Variants in DYNC1H1 observed in about 807,000 individuals in gnomAD.
DYNC1H1 encodes the protein cytoplasmic dynein 1 heavy chain 1.
A neutral mutation model predicts 527.1 loss-of-function variants in DYNC1H1; 51 were observed. That is an observed-to-expected ratio of 0.10 (90% CI 0.08 to 0.12). The LOEUF is 0.12. DYNC1H1 is among the 10% of genes least tolerant of loss of function. The probability of loss-of-function intolerance (pLI) is 1.00; values close to 1 mark genes in which losing one functional copy is unlikely to be tolerated. For missense variants in DYNC1H1, 2,771 were observed against 5,971.8 expected, an observed-to-expected ratio of 0.46 and a Z score of 17.66; for synonymous variants, 2,189 against 2,278.8, an observed-to-expected ratio of 0.96 and a Z score of 1.12.
chr14:101,987,420 G>C (rs1480697220), intron 8 of DYNC1H1, 33 bp from the exon 9 acceptor site: 3 of 1,593,338 alleles, frequency 1.9e-6, no homozygotes, highest in Admixed American at 3.4e-5. Context: ...AGTGTGAGTG[G>C]GTGTTTTAAA....
At chr14:101,972,427 G>A (rs1054374285) in intron 1 of DYNC1H1, among the ~76,000 whole-genome samples, 6 of 152,208 alleles carry the variant, frequency 3.9e-5, no homozygotes, top group Non-Finnish European at 7.3e-5. Flanking sequence ...ATTATCAAGA[G>A]AAGTTAGAAT....
chr14:102,021,806 A>G (rs2048388151), intron 42 of DYNC1H1, among the ~76,000 whole-genome samples: 1 of 151,576 alleles, frequency 6.6e-6, no homozygotes, highest in Non-Finnish European at 1.5e-5. Context: ...GATTACAGAC[A>G]TGTGCCACCA....
intron 1 of DYNC1H1, among the ~76,000 whole-genome samples, chr14:101,970,958 G>A (rs1478630737): frequency 6.6e-6 from 1 of 152,124 alleles, no homozygotes; most frequent in Non-Finnish European, 1.5e-5. Context: ...GAGGGAATGA[G>A]CAAGGGTGCA....
chr14:102,039,650 C>G lies in DYNC1H1; in HGVS notation c.11608C>G (p.Arg3870Gly). The change falls in exon 62 of 78, where the codon CGA becomes GGA. Residue 3870 changes from arginine to glycine, a missense_variant. Transcript: ENST00000360184. This position sits in a 1 kb window ranked among gnomAD's most constrained non-coding sequence, Gnocchi z 7.0. The stretch of plus-strand genomic sequence containing the variant: ...GCTCTTGTCCCAGGTGGCGTTTAAC[C>G]GAGTGGCTCGAGGCATGCTGCATCA... ...TKDLFQVAFN[R>G]VARGMLHQDH... The G allele has an allele frequency of 6.2e-7, 1 of 1,613,984 alleles. No individual in the cohort carries two copies. Among genetic ancestry groups the G allele is most frequent in the African/African-American group, 1.3e-5 (1 of 74,874 alleles).
rs551764979 is a variant in DYNC1H1 at position 102,047,631 on chromosome 14, G to A, written c.13007-186G>A. 1,552 of 402,182 alleles carry A rather than the reference G, an allele frequency of 3.9e-3. 88 individuals are homozygous for A. Among genetic ancestry groups the A allele is most frequent in the Non-Finnish European group, 5.1e-3 (1,230 of 239,604 alleles). 24.9% of individuals were successfully genotyped at this position (402,182 alleles called of 1,614,324 possible). On this transcript the variant is annotated intron_variant, in intron 72 of 77. Coordinates refer to ENST00000360184, the MANE Select transcript of DYNC1H1 (RefSeq NM_001376.5). ...TATGTATATATACACGTGTGTGTGT[G>A]TGTGTGTGTGTATATATATATATAT...
chr14:102,044,607 T>C lies in DYNC1H1; in HGVS notation c.12915T>C (p.Phe4305=). 1.2e-6 allele frequency: 2 copies of C among 1,614,166 alleles called. No individual in the cohort carries two copies. The highest frequency in any genetic ancestry group is 1.7e-6 in the Non-Finnish European group (2 of 1,180,036). The part of the protein sequence containing the change: ...QMPDGIRREE[F]VQWVELLPDT... ...ACTGGTTTTCTAGGCGAGAGGAGTT[T>C]GTGCAGTGGGTGGAGTTGCTCCCCG... Residue 4305 remains phenylalanine (F), a synonymous_variant, in exon 72 of 78, where the codon TTT becomes TTC. Transcript: ENST00000360184. The surrounding 1 kb of genome is among the most constrained non-coding windows in gnomAD (Gnocchi z 7.1).
chr14:102,014,695 C>G (rs2048299832), intron 34 of DYNC1H1, among the ~76,000 whole-genome samples: 1 of 152,174 alleles, frequency 6.6e-6, no homozygotes, highest in Admixed American at 6.5e-5. Context: ...AAACCTTAAA[C>G]AAGGTGGTTT....
At chr14:102,040,029 C>T (rs542912998) in intron 62 of DYNC1H1, among the ~76,000 whole-genome samples, 14 of 152,144 alleles carry the variant, frequency 9.2e-5, no homozygotes, top group East Asian at 3.9e-4. Context: ...TTAGTAGAGA[C>T]GGGTTTTCTT....
At chr14:102,004,378 C>A in intron 23 of DYNC1H1, 140 bp from the exon 24 acceptor site, 1 of 934,808 alleles carries the variant, frequency 1.1e-6, no homozygotes, top group Non-Finnish European at 1.6e-6. Flanking sequence ...AGAAGAAATT[C>A]TGATGTGATC....
chr14:102,036,368 C>T lies in DYNC1H1; in HGVS notation c.10755-121C>T, dbSNP rs1595627930. On this transcript the variant is annotated intron_variant, in intron 56 of 77. Transcript: ENST00000360184. The surrounding 1 kb of genome is among the most constrained non-coding windows in gnomAD (Gnocchi z 5.6). ...TAAACCTGAAAACGTCTCCGGAAAC[C>T]ACTCTCGGGTGGTGGTAACAGCCTA... is the stretch of plus-strand genomic sequence containing the variant. 1 of 1,345,224 alleles carries T rather than the reference C, an allele frequency of 7.4e-7. No individual in the cohort carries two copies. The highest frequency in any genetic ancestry group is 2.3e-5 in the East Asian group (1 of 43,198). 83.3% of individuals were successfully genotyped at this position (1,345,224 alleles called of 1,614,324 possible).
intron 15 of DYNC1H1, 38 bp from the exon 16 acceptor site, chr14:101,996,997 T>C (rs373558343): frequency 1.9e-6 from 3 of 1,592,056 alleles, no homozygotes; most frequent in Admixed American, 1.7e-5. Context: ...ATCATTGTTA[T>C]AGAAGAAAAA....
intron 11 of DYNC1H1, among the ~76,000 whole-genome samples, chr14:101,993,267 A>G (rs561933786): frequency 6.6e-6 from 1 of 150,586 alleles, no homozygotes; most frequent in African/African-American, 2.4e-5. Flanking sequence ...AGGTACCATC[A>G]CCTCTCACTT....
intron 1 of DYNC1H1, among the ~76,000 whole-genome samples, chr14:101,974,974 G>T (rs1485067070): frequency 1.3e-5 from 2 of 152,222 alleles, no homozygotes; most frequent in Admixed American, 6.5e-5. Flanking sequence ...AAGTGGTGTG[G>T]CGCAGCAGAG....
Position 102,029,628 on chromosome 14 carries a change from G to A in DYNC1H1, c.9558G>A (p.Leu3186=), listed in dbSNP as rs1567017793. The A allele has an allele frequency of 6.2e-7, 1 of 1,614,228 alleles. No homozygotes were observed. The highest frequency in any genetic ancestry group is 1.1e-5 in the South Asian group (1 of 91,088). Residue 3186 remains leucine, a synonymous_variant, in exon 49 of 78, where the codon CTG becomes CTA. Transcript: ENST00000360184. This position sits in a 1 kb window ranked among gnomAD's most constrained non-coding sequence, Gnocchi z 5.3. The stretch of plus-strand genomic sequence containing the variant: ...ACTTCATCAATCACTATGCCAACCT[G>A]TTCCACGAGAAGCGGAGCGAGCTGG... The part of the protein sequence containing the change: ...YLDFINHYAN[L]FHEKRSELEE...
chr14:101,982,316 G>A (rs2047876867), intron 5 of DYNC1H1, among the ~76,000 whole-genome samples: 1 of 152,152 alleles, frequency 6.6e-6, no homozygotes, highest in Non-Finnish European at 1.5e-5. Context: ...GAAATAGGCT[G>A]GGTGCGGTGG....
intron 41 of DYNC1H1, 126 bp from the exon 42 acceptor site, chr14:102,019,767 A>T (rs891295299): frequency 4.9e-6 from 6 of 1,235,458 alleles, no homozygotes; most frequent in Non-Finnish European, 6.9e-6. Context: ...ATGTCCAGCT[A>T]TCTTCTTAAA....
At chr14:102,028,318 C>T in intron 48 of DYNC1H1, 177 bp downstream of exon 48, 1 of 687,542 alleles carries the variant, frequency 1.5e-6, no homozygotes, top group Non-Finnish European at 2.5e-6. Flanking sequence ...TCAAGACCAG[C>T]CTGGGCAACA....
At position 102,029,456 on chromosome 14, in the gene DYNC1H1, C is replaced by T. The variant is rs2048485946; in HGVS notation, c.9469-83C>T. On this transcript the variant is annotated intron_variant, in intron 48 of 77. Transcript: ENST00000360184. This position sits in a 1 kb window ranked among gnomAD's most constrained non-coding sequence, Gnocchi z 5.3. Reference sequence around the variant, plus strand: ...CAGGCTCCTTCTATCATGTCACACCCATCTGCCAAGGCCAAAATTGTTTTC... The same window carrying T: ...CAGGCTCCTTCTATCATGTCACACCTATCTGCCAAGGCCAAAATTGTTTTC... 6.3e-7 allele frequency: 1 copy of T among 1,586,536 alleles called. No homozygotes were observed. The highest frequency in any genetic ancestry group is 2.3e-5 in the East Asian group (1 of 44,128).
chr14:102,010,312 T>C lies in DYNC1H1; in HGVS notation c.6258T>C (p.Tyr2086=), dbSNP rs1254207934. ...AGCAGCTCTCTTCCCAAAGCCATTA[T>C]GACTTCGGTCTTCGGGCTTTGAAGA... is the stretch of plus-strand genomic sequence containing the variant. ...CDEQLSSQSH[Y]DFGLRALKSV... Residue 2086 remains tyrosine, a synonymous_variant, in exon 31 of 78, where the codon TAT becomes TAC. Transcript: ENST00000360184. The surrounding 1 kb of genome is among the most constrained non-coding windows in gnomAD (Gnocchi z 6.0). 1 of 1,614,090 alleles carries C rather than the reference T, an allele frequency of 6.2e-7. No individual in the cohort carries two copies. Among genetic ancestry groups the C allele is most frequent in the Non-Finnish European group, 8.5e-7 (1 of 1,180,026 alleles).
Sources: gnomAD v4.1 joint callset for allele counts (sites outside exome capture counted in the v4.1 genomes callset) on GRCh38, gnomAD v4.1.1 for gene constraint, Gnocchi (gnomAD v3.1) non-coding constraint, MANE v1.5 for transcripts, NCBI Gene and HGNC (gene_info 2026-07-23, HGNC 2026-07-21) for gene names.